The following NTM variants were observed in gnomAD, a reference collection of about 807,000 sequenced individuals.
NTM encodes neurotrimin.
A neutral mutation model predicts 42.1 loss-of-function variants in NTM; 13 were observed. The observed-to-expected ratio is 0.31, with a 90% CI of 0.20 to 0.49. The LOEUF (loss-of-function observed/expected upper bound fraction) is 0.49. Ranked by LOEUF, NTM falls within the 20% of genes least tolerant of loss-of-function variation. The probability of loss-of-function intolerance (pLI) is 0.99; values close to 1 mark genes in which losing one functional copy is unlikely to be tolerated. For missense variants in NTM, 373 were observed against 452.8 expected (o/e 0.82, Z 1.60); for synonymous variants, 187 against 179.2 (o/e 1.04, Z -0.35).
intron 3 of NTM, among the ~76,000 whole-genome samples, chr11:132,172,904 G>A (rs4245104): frequency 0.62 from 94,258 of 152,054 alleles, 29,641 homozygotes; most frequent in Non-Finnish European, 0.64. Context: ...CATTTGTGTC[G>A]GGAGCATTCT....
intron 1 of NTM, among the ~76,000 whole-genome samples, chr11:131,498,948 C>T (rs1049873697): frequency 2.6e-5 from 4 of 152,204 alleles, no homozygotes; most frequent in Admixed American, 6.5e-5. Flanking sequence ...ATGCACCCTA[C>T]AGTGGCAGGA....
At chr11:131,705,383 C>T (rs1033104600) in intron 1 of NTM, among the ~76,000 whole-genome samples, 7 of 152,026 alleles carry the variant, frequency 4.6e-5, no homozygotes, top group South Asian at 2.1e-4. Flanking sequence ...GCAAAGCTAT[C>T]CTATACAAAT....
intron 3 of NTM, among the ~76,000 whole-genome samples, chr11:132,162,642 ATG>A (rs1487254022): frequency 1.1e-4 from 14 of 127,028 alleles, no homozygotes; most frequent in Non-Finnish European, 1.8e-4. Context: ...TGTGTGGGGC[ATG>A]TGTGTGTTTG....
intron 2 of NTM, among the ~76,000 whole-genome samples, chr11:131,955,303 T>TTC (rs1219146888): frequency 1.3e-5 from 2 of 152,140 alleles, no homozygotes; most frequent in African/African-American, 4.8e-5. Context: ...CCTGGAATAG[T>TTC]AATGAGTTTG....
Position 131,915,354 on chromosome 11 carries a change from ATCTC to A in NTM, c.167+3710_167+3713del, listed in dbSNP as rs1215349547. On this transcript the variant is annotated intron_variant, in intron 2 of 8. Transcript: ENST00000683400. The stretch of plus-strand genomic sequence containing the variant: ...GGCTTAGACCCTGTTTTCCAGTGTT[ATCTC>A]TCTGTCTTCTTTCTTCCCTTGGGCT... 2.0e-5 allele frequency among the ~76,000 whole-genome samples: 3 copies of A among 152,248 alleles called. No homozygotes were observed. In the East Asian group the frequency reaches 5.8e-4, roughly 29 times the overall value.
chr11:132,283,435 C>T (rs767610826), intron 4 of NTM, among the ~76,000 whole-genome samples: 1 of 152,162 alleles, frequency 6.6e-6, no homozygotes, highest in Non-Finnish European at 1.5e-5. Context: ...CTTGGAGAAG[C>T]ACAGATTCAT....
rs1473553091 is a variant in NTM at position 131,984,024 on chromosome 11, G to A, written c.167+72376G>A. ...ACCTGCCTGTAGAGCCAAAGAAAAGGAATGTAACCTAATTAATGCCAAGAA... is the reference window on the plus strand; with the variant it reads ...ACCTGCCTGTAGAGCCAAAGAAAAGAAATGTAACCTAATTAATGCCAAGAA... On this transcript the variant is annotated intron_variant, in intron 2 of 8. Coordinates refer to ENST00000683400, the MANE Select transcript of NTM (RefSeq NM_001352005.2). Among the ~76,000 whole-genome samples, 42 of 152,194 alleles carry A rather than the reference G, an allele frequency of 2.8e-4. 1 individual carries two copies. Among genetic ancestry groups the A allele is most frequent in the Admixed American group, 2.8e-3 (42 of 15,272 alleles).
chr11:131,493,359 A>G (rs1453942733), intron 1 of NTM, among the ~76,000 whole-genome samples: 1 of 152,240 alleles, frequency 6.6e-6, no homozygotes, highest in African/African-American at 2.4e-5. Flanking sequence ...AATCATAACC[A>G]TAATACTTAA....
chr11:131,751,869 G>A (rs566374291), intron 1 of NTM, among the ~76,000 whole-genome samples: 1 of 150,742 alleles, frequency 6.6e-6, no homozygotes, highest in Non-Finnish European at 1.5e-5. Flanking sequence ...CTCCATAACG[G>A]GCCAAGATCA....
chr11:131,598,075 G>T (rs2059969306), intron 1 of NTM, among the ~76,000 whole-genome samples: 1 of 152,180 alleles, frequency 6.6e-6, no homozygotes, highest in African/African-American at 2.4e-5. Context: ...GCAGGGCAAG[G>T]GGTCCCCTGG....
chr11:131,707,761 A>G (rs1217935531), intron 1 of NTM, among the ~76,000 whole-genome samples: 1 of 152,150 alleles, frequency 6.6e-6, no homozygotes, highest in East Asian at 1.9e-4. Flanking sequence ...AATTAGGTAC[A>G]GAAAGAATGT....
intron 1 of NTM, among the ~76,000 whole-genome samples, chr11:131,471,299 A>T (rs1952416749): frequency 6.6e-6 from 1 of 152,168 alleles, no homozygotes; most frequent in African/African-American, 2.4e-5. Context: ...TCCTTGGTTA[A>T]TCCAATCGCT....
chr11:131,551,292 C>T lies in NTM; in HGVS notation c.82+180404C>T, dbSNP rs540688946. On this transcript the variant is annotated intron_variant, in intron 1 of 8. Coordinates refer to ENST00000683400, the MANE Select transcript of NTM (RefSeq NM_001352005.2). ...AATCACTTTAGAAAGAAGATAATAG[C>T]TCCTAAAGGAAAACTTCTCAGGTAG... Among the ~76,000 whole-genome samples, 3 of 152,228 alleles carry T rather than the reference C, an allele frequency of 2.0e-5. No individual in the cohort carries two copies. The East Asian group carries it at 5.8e-4, about 29-fold the overall frequency.
intron 4 of NTM, among the ~76,000 whole-genome samples, chr11:132,230,158 T>C (rs767019952): frequency 2.6e-5 from 4 of 152,192 alleles, no homozygotes; most frequent in Admixed American, 6.5e-5. Context: ...AGAGTCGATG[T>C]ATCTTCTCAT....
At chr11:132,328,818 C>T (rs112648537) in intron 7 of NTM, among the ~76,000 whole-genome samples, 4,601 of 152,212 alleles carry the variant, frequency 0.03, 225 homozygotes, top group African/African-American at 0.1. Context: ...GCCCCTCCCC[C>T]TCCTTAGCTT....
chr11:131,759,755 A>G (rs558623103), intron 1 of NTM, among the ~76,000 whole-genome samples: 1 of 151,788 alleles, frequency 6.6e-6, no homozygotes, highest in South Asian at 2.1e-4. Context: ...AATATTCTTT[A>G]TCCAGGTCAT....
chr11:131,756,552 G>T (rs975804374), intron 1 of NTM, among the ~76,000 whole-genome samples: 4 of 151,986 alleles, frequency 2.6e-5, no homozygotes, highest in African/African-American at 4.8e-5. Flanking sequence ...GCTGAGTCTG[G>T]TGGTATGCAC....
chr11:131,861,804 C>CCG (rs2046663133), intron 1 of NTM, among the ~76,000 whole-genome samples: 1 of 152,142 alleles, frequency 6.6e-6, no homozygotes, highest in Non-Finnish European at 1.5e-5. Flanking sequence ...TGCAGTGCTA[C>CCG]CAGCTGGTGC....
chr11:131,617,864 C>A (rs2137613769), intron 1 of NTM, among the ~76,000 whole-genome samples: 1 of 152,216 alleles, frequency 6.6e-6, no homozygotes, highest in African/African-American at 2.4e-5. Flanking sequence ...GAATCTAGAC[C>A]AGAAGGCAGA....
Sources: gnomAD v4.1 joint callset for allele counts (sites outside exome capture counted in the v4.1 genomes callset) on GRCh38, gnomAD v4.1.1 for gene constraint, MANE v1.5 for transcripts, NCBI Gene and HGNC (gene_info 2026-07-23, HGNC 2026-07-21) for gene names.